The following CDCP2 variants were observed in gnomAD, a reference collection of about 807,000 sequenced individuals.
CDCP2 encodes the protein CUB domain containing protein 2.
In CDCP2, 31 loss-of-function variants were observed where a neutral mutation model predicts 31.0. That is an observed-to-expected ratio of 1.00 (90% confidence interval 0.75 to 1.35). The LOEUF is 1.35. CDCP2 is among the 40% of genes most tolerant of loss of function. The pLI is 0.00. For synonymous variants in CDCP2, 206 were observed against 207.9 expected (o/e 0.99, Z 0.08); for missense variants, 443 against 482.6 (o/e 0.92, Z 0.77).
At chr1:54,145,337 A>G (rs1228064042) in intron 1 of CDCP2, among the ~76,000 whole-genome samples, 1 of 152,168 alleles carries the variant, frequency 6.6e-6, no homozygotes, top group Non-Finnish European at 1.5e-5. Flanking sequence ...GAGGCAGGAG[A>G]ATCGCTTGCA....
At chr1:54,136,672 G>A (rs1004015246) in exon 5 of CDCP2, 7 of 399,046 alleles carry the variant, frequency 1.8e-5, no homozygotes, top group Middle Eastern at 6.2e-4. Flanking sequence ...CCTGGATCCT[G>A]AGGTTGCCGC....
At position 54,148,931 on chromosome 1, in the gene CDCP2, T is replaced by C. The variant is rs193117054; in HGVS notation, c.79+3913A>G. On this transcript the variant is annotated intron_variant, in intron 1 of 5. Transcript: ENST00000530059. ...ATCAACCAAATGCAATGTATGGACC[T>C]TGTTTGGATTCTGATTTGAACAAAT... 6.7e-4 allele frequency among the ~76,000 whole-genome samples: 99 copies of C among 148,796 alleles called. 5 individuals carry two copies. The highest frequency in any genetic ancestry group is 2.4e-3 in the African/African-American group (96 of 40,170).
In CDCP2 at chr1:54,141,085, C is replaced by T; in HGVS notation, c.763+13G>A. The T allele has an allele frequency of 6.6e-7, 1 of 1,516,136 alleles. No individual in the cohort carries two copies. Among genetic ancestry groups the T allele is most frequent in the Non-Finnish European group, 8.8e-7 (1 of 1,133,288 alleles). 93.9% of individuals were successfully genotyped at this position (1,516,136 alleles called of 1,614,324 possible). On this transcript the variant is annotated intron_variant, in intron 3 of 5. Transcript: ENST00000530059. ...CACAGGAGGATTCAGGGTGGAGCGC[C>T]AGCCCCTCCTACCTGAGAAGTAGTA...
rs202105423 is a variant in CDCP2, at chr1:54,144,481, C to T, written c.412G>A (p.Ala138Thr). The T allele has an allele frequency of 5.1e-5, 81 of 1,577,206 alleles. No individual in the cohort carries two copies. The highest frequency in any genetic ancestry group is 1.7e-4 in the Middle Eastern group (1 of 5,914). ...CCCCGTTGACCTTTCTGGTAGCCCG[C>T]AGAAAAGCCATGGCTGGCCACATGC... Residue 138 changes from alanine to threonine, a missense_variant, in exon 2 of 6, where the codon GCG (alanine) becomes ACG (threonine). Transcript: ENST00000530059.
chr1:54,135,849 G>A (rs911536858), intron 5 of CDCP2, among the ~76,000 whole-genome samples: 1 of 152,202 alleles, frequency 6.6e-6, no homozygotes, highest in East Asian at 1.9e-4. Flanking sequence ...TTGCTGGAAA[G>A]CACATAATTT....
intron 1 of CDCP2, among the ~76,000 whole-genome samples, chr1:54,146,160 A>C (rs1373779561): frequency 6.6e-6 from 1 of 151,040 alleles, no homozygotes; most frequent in Non-Finnish European, 1.5e-5. Flanking sequence ...CAATATTTTC[A>C]GTGTAAGAGT....
chr1:54,135,009 C>G (rs1659236036), intron 5 of CDCP2, among the ~76,000 whole-genome samples: 1 of 152,106 alleles, frequency 6.6e-6, no homozygotes, highest in South Asian at 2.1e-4. Flanking sequence ...CTTTGGGCTT[C>G]CAAAAGGCCA....
intron 1 of CDCP2, among the ~76,000 whole-genome samples, chr1:54,147,207 A>C (rs1413085084): frequency 6.6e-6 from 1 of 151,852 alleles, no homozygotes; most frequent in Non-Finnish European, 1.5e-5. Context: ...TATCACATAT[A>C]TAAAAACAAG....
chr1:54,142,892 C>G (rs779584316), intron 2 of CDCP2: 5 of 152,182 alleles, frequency 3.3e-5, no homozygotes. Context: ...TTCAAGCTCT[C>G]TTTTAATGTA....
At chr1:54,147,256 C>G (rs1256047761) in intron 1 of CDCP2, among the ~76,000 whole-genome samples, 1 of 151,722 alleles carries the variant, frequency 6.6e-6, no homozygotes, top group Admixed American at 6.6e-5. Context: ...AAATGAAACT[C>G]ATTGGTTTAT....
At chr1:54,138,216 A>T (rs1659294370) in intron 4 of CDCP2, 1 of 152,390 alleles carries the variant, frequency 6.6e-6, no homozygotes, top group South Asian at 2.1e-4. Flanking sequence ...ATCAGAGGCA[A>T]AAGGAACTTT....
At position 54,139,355 on chromosome 1, in the gene CDCP2, A is replaced by G. The variant is rs1659312314; in HGVS notation, c.1117+398T>C. ...TCAATGAGTAGTTCTGAATGATACA[A>G]GCAGGGCTGGTAGACATCCCCACAG... On this transcript the variant is annotated intron_variant, in intron 4 of 5. Coordinates refer to ENST00000530059, the Ensembl canonical transcript of CDCP2. 8 of 615,672 alleles carry G rather than the reference A, an allele frequency of 1.3e-5. No individual in the cohort carries two copies. In the East Asian group the frequency reaches 2.2e-4, roughly 17 times the overall value. The allele number at this position is 615,672 out of a possible 1,614,324, so 38.1% of individuals were successfully genotyped here. A position where few individuals can be genotyped will look rare whatever the true frequency, so the allele number is the denominator to read the frequency against.
At chr1:54,137,045 G>A (rs540811962) in intron 4 of CDCP2, among the ~76,000 whole-genome samples, 101 of 152,344 alleles carry the variant, frequency 6.6e-4, no homozygotes, top group Admixed American at 4.0e-3. Flanking sequence ...TCCTCTCAGC[G>A]TCCTCTGGGC....
intron 2 of CDCP2, chr1:54,143,034 A>AG (rs1452247523): frequency 1.3e-5 from 2 of 152,268 alleles, no homozygotes; most frequent in Admixed American, 1.3e-4. Flanking sequence ...GCTTATAAGA[A>AG]GTTAAAATAT....
intron 1 of CDCP2, among the ~76,000 whole-genome samples, chr1:54,149,648 G>C (rs1659542828): frequency 6.6e-6 from 1 of 152,120 alleles, no homozygotes; most frequent in Non-Finnish European, 1.5e-5. Context: ...AGTGCTATAT[G>C]CTTCTCCATA....
At chr1:54,138,178 G>GAAGTTA (rs1659293691) in intron 4 of CDCP2, 1 of 152,344 alleles carries the variant, frequency 6.6e-6, no homozygotes, top group South Asian at 2.1e-4. Context: ...GCTGGGAGAG[G>GAAGTTA]GCCTGGGAGA....
chr1:54,144,612 G>T (rs1224911236), exon 2 of CDCP2: 1 of 1,614,218 alleles, frequency 6.2e-7, no homozygotes, highest in South Asian at 1.1e-5. Context: ...GTCTGGTGAG[G>T]CCCCATTGTA....
chr1:54,137,105 G>A (rs1342897876), intron 4 of CDCP2, among the ~76,000 whole-genome samples: 1 of 152,228 alleles, frequency 6.6e-6, no homozygotes, highest in Non-Finnish European at 1.5e-5. Context: ...ATGAATGAAT[G>A]TTCTTAATAA....
chr1:54,148,526 T>C (rs1659514890), intron 1 of CDCP2, among the ~76,000 whole-genome samples: 2 of 150,982 alleles, frequency 1.3e-5, no homozygotes, highest in Non-Finnish European at 2.9e-5. Flanking sequence ...AGTAAATCTC[T>C]TCTTGAAAAA....
Sources: gnomAD v4.1 joint callset for allele counts (sites outside exome capture counted in the v4.1 genomes callset) on GRCh38, gnomAD v4.1.1 for gene constraint, MANE v1.5 for transcripts, NCBI Gene and HGNC (gene_info 2026-07-23, HGNC 2026-07-21) for gene names.